Variants in SLCO6A1 observed in about 807,000 individuals in gnomAD.
SLCO6A1 encodes solute carrier organic anion transporter family member 6A1.
SLCO6A1 carries 65 observed loss-of-function variants against 72.7 expected under a neutral mutation model. That is an observed-to-expected ratio of 0.89 (90% CI 0.73 to 1.10). The LOEUF is 1.10. Ranked by LOEUF, SLCO6A1 falls within the 50% of genes least tolerant of loss-of-function variation. SLCO6A1 has a pLI of 0.00. For synonymous variants in SLCO6A1, 314 were observed against 298.2 expected (o/e 1.05, Z -0.55); for missense variants, 874 against 872.6 (o/e 1.00, Z -0.02).
At chr5:102,386,779 G>C (rs187434660) in intron 12 of SLCO6A1, among the ~76,000 whole-genome samples, 1 of 152,330 alleles carries the variant, frequency 6.6e-6, no homozygotes, top group Non-Finnish European at 1.5e-5. Flanking sequence ...TTCCTCCACA[G>C]GTGTCTGCCT....
At chr5:102,417,453 AT>A (rs1454622718) in intron 8 of SLCO6A1, among the ~76,000 whole-genome samples, 1 of 151,688 alleles carries the variant, frequency 6.6e-6, no homozygotes, top group East Asian at 1.9e-4. Flanking sequence ...TTAAATATCT[AT>A]TTTTTAATAA....
intron 11 of SLCO6A1, among the ~76,000 whole-genome samples, chr5:102,390,209 C>T (rs566615871): frequency 5.3e-5 from 8 of 152,268 alleles, no homozygotes; most frequent in Non-Finnish European, 7.4e-5. Context: ...GCTCCCTTTC[C>T]GATGCAGGAA....
chr5:102,380,864 T>G (rs2112483650), intron 12 of SLCO6A1, among the ~76,000 whole-genome samples: 1 of 152,126 alleles, frequency 6.6e-6, no homozygotes, highest in African/African-American at 2.4e-5. Flanking sequence ...AGCAGTTTAC[T>G]ATGGTTGAAA....
chr5:102,416,648 T>C (rs1335698163), intron 8 of SLCO6A1, among the ~76,000 whole-genome samples: 8 of 152,208 alleles, frequency 5.3e-5, no homozygotes, highest in African/African-American at 1.2e-4. Context: ...ATTTGGGTGA[T>C]AGATACCCTA....
At chr5:102,416,341 A>G (rs1054497428) in intron 8 of SLCO6A1, among the ~76,000 whole-genome samples, 3 of 152,026 alleles carry the variant, frequency 2.0e-5, no homozygotes, top group Non-Finnish European at 4.4e-5. Context: ...AAAATGTGAT[A>G]TATAAATATT....
At chr5:102,459,265 T>TA (rs1327678065) in intron 5 of SLCO6A1, among the ~76,000 whole-genome samples, 9 of 151,998 alleles carry the variant, frequency 5.9e-5, no homozygotes, top group Non-Finnish European at 2.9e-5. Context: ...GGAAAAATTT[T>TA]AAAAACTTGC....
chr5:102,399,386 TAA>T, intron 10 of SLCO6A1, among the ~76,000 whole-genome samples, 167 bp downstream of exon 10: 1 of 152,252 alleles, frequency 6.6e-6, no homozygotes, highest in South Asian at 2.1e-4. Flanking sequence ...ATAAGTTAGC[TAA>T]AAGAGAAATA....
intron 9 of SLCO6A1, among the ~76,000 whole-genome samples, chr5:102,408,019 G>A (rs1747764024): frequency 6.6e-6 from 1 of 151,920 alleles, no homozygotes; most frequent in Admixed American, 6.6e-5. Context: ...CTAAAATTGT[G>A]GTACAATAAT....
chr5:102,420,164 A>G, intron 7 of SLCO6A1, 143 bp from the exon 8 acceptor site: 2 of 755,960 alleles, frequency 2.6e-6, no homozygotes, highest in South Asian at 2.4e-5. Context: ...CAGTTATGCT[A>G]AATAGCTTGA....
intron 3 of SLCO6A1, 139 bp downstream of exon 3, chr5:102,477,537 G>T: frequency 1.6e-6 from 1 of 634,296 alleles, no homozygotes; most frequent in East Asian, 2.8e-5. Context: ...ATGTGATTTG[G>T]AGGTTTAGCA....
At chr5:102,415,688 C>T (rs991202119) in intron 8 of SLCO6A1, among the ~76,000 whole-genome samples, 3 of 151,900 alleles carry the variant, frequency 2.0e-5, no homozygotes, top group African/African-American at 7.2e-5. Flanking sequence ...CACCAGCAAC[C>T]AAACAAAAAT....
intron 9 of SLCO6A1, among the ~76,000 whole-genome samples, chr5:102,410,273 G>C (rs13358778): frequency 0.32 from 48,500 of 151,868 alleles, 8,133 homozygotes; most frequent in Middle Eastern, 0.35. Flanking sequence ...CATGTCTGCA[G>C]CTCTAAGCAG....
At chr5:102,469,809 T>G (rs952501956) in intron 4 of SLCO6A1, among the ~76,000 whole-genome samples, 5 of 152,112 alleles carry the variant, frequency 3.3e-5, no homozygotes, top group Admixed American at 6.6e-5. Context: ...CATAAATAGT[T>G]CTTATTATTT....
At chr5:102,436,038 T>G (rs1749516750) in intron 7 of SLCO6A1, among the ~76,000 whole-genome samples, 1 of 152,206 alleles carries the variant, frequency 6.6e-6, no homozygotes, top group Admixed American at 6.5e-5. Flanking sequence ...TGTATTAGAC[T>G]TTGCCAAGAC....
intron 1 of SLCO6A1, among the ~76,000 whole-genome samples, chr5:102,494,908 C>T (rs1232682267): frequency 6.6e-6 from 1 of 152,066 alleles, no homozygotes; most frequent in African/African-American, 2.4e-5. Context: ...CCAACAGAAA[C>T]AAAAATGTAT....
intron 7 of SLCO6A1, among the ~76,000 whole-genome samples, chr5:102,431,679 A>G (rs1393589463): frequency 1.3e-5 from 2 of 152,170 alleles, no homozygotes; most frequent in African/African-American, 4.8e-5. Flanking sequence ...AGTATGTGCC[A>G]TGTGGCAATG....
intron 1 of SLCO6A1, among the ~76,000 whole-genome samples, chr5:102,481,953 C>A (rs1303685207): frequency 1.3e-5 from 2 of 152,084 alleles, no homozygotes; most frequent in Non-Finnish European, 2.9e-5. Flanking sequence ...AAGCCACGAG[C>A]CAGATTTGGA....
rs1180089163 is a variant in SLCO6A1, at chr5:102,404,288, G to A, written c.1627-4546C>T. Among the ~76,000 whole-genome samples, 6 of 152,214 alleles carry A rather than the reference G, an allele frequency of 3.9e-5. No individual in the cohort carries two copies. In the East Asian group the frequency reaches 1.2e-3, roughly 29 times the overall value. ...AGGCAGGTGGATCACAAGGTCAGGA[G>A]ATCGAGACCATCCTGGCTAACATGG... On this transcript the variant is annotated intron_variant, in intron 9 of 13. Transcript: ENST00000506729.
intron 12 of SLCO6A1, among the ~76,000 whole-genome samples, chr5:102,374,186 T>C (rs1444102675): frequency 1.3e-5 from 2 of 152,124 alleles, no homozygotes; most frequent in Non-Finnish European, 2.9e-5. Context: ...CTAATTTTTA[T>C]AGTTTTTGTA....
Sources: gnomAD v4.1 joint callset for allele counts (sites outside exome capture counted in the v4.1 genomes callset) on GRCh38, gnomAD v4.1.1 for gene constraint, MANE v1.5 for transcripts, NCBI Gene and HGNC (gene_info 2026-07-23, HGNC 2026-07-21) for gene names.